Variants in IL7 observed in about 807,000 individuals in gnomAD.
The protein encoded by IL7 is interleukin-7.
IL7 carries 3 observed loss-of-function variants against 21.6 expected under a neutral mutation model. The observed-to-expected ratio is 0.14, with a 90% CI of 0.06 to 0.36. The LOEUF (loss-of-function observed/expected upper bound fraction) is 0.36, where lower values mean the gene tolerates loss of function less well. IL7 is among the 10% of genes least tolerant of loss of function. IL7 has a pLI of 1.00. For synonymous variants in IL7, 62 were observed against 68.1 expected (o/e 0.91, Z 0.44); for missense variants, 175 against 200.2 (o/e 0.87, Z 0.76).
At position 78,710,300 on chromosome 8, in the gene IL7, T is replaced by C. The variant is rs553809183; in HGVS notation, n.214+11048A>G. Among the ~76,000 whole-genome samples, 3 of 152,264 alleles carry C rather than the reference T, an allele frequency of 2.0e-5. No homozygotes were observed. The East Asian group carries it at 5.8e-4, about 29-fold the overall frequency. Reference sequence around the variant, plus strand: ...AGTTTTGAATGTACATATATATATATGCACACATATAAATCAAGTTGAATG... The same window carrying C: ...AGTTTTGAATGTACATATATATATACGCACACATATAAATCAAGTTGAATG... On this transcript the variant is annotated intron_variant and non_coding_transcript_variant, in intron 3 of 4. Transcript: ENST00000523959.
intron 2 of IL7, chr8:78,746,916 T>C (rs948659789): frequency 2.6e-6 from 1 of 388,474 alleles, no homozygotes; most frequent in African/African-American, 2.1e-5. Context: ...TTCTTTGTGA[T>C]AGGACAGTTT....
At chr8:78,739,313 A>T (rs1811700401) in intron 3 of IL7, among the ~76,000 whole-genome samples, 1 of 152,170 alleles carries the variant, frequency 6.6e-6, no homozygotes, top group Admixed American at 6.5e-5. Context: ...TGAAAGAAAA[A>T]TTTTCAAGAC....
In IL7 at chr8:78,775,568, T is replaced by A. The variant is rs144822007; in HGVS notation, c.147+22504A>T. On this transcript the variant is annotated intron_variant, in intron 2 of 5. Transcript: ENST00000263851. ...AAATTCTAATTGGAAAAATCAGGCTTTCAAGCAGTTAACTGAATTGTCCAA... is the reference window on the plus strand; with the variant it reads ...AAATTCTAATTGGAAAAATCAGGCTATCAAGCAGTTAACTGAATTGTCCAA... Among the ~76,000 whole-genome samples the A allele has an allele frequency of 4.8e-4, 73 of 152,228 alleles. 1 individual carries two copies. The East Asian group carries it at 0.013, about 27-fold the overall frequency.
chr8:78,776,323 G>A (rs1343648396), intron 2 of IL7, among the ~76,000 whole-genome samples: 2 of 152,072 alleles, frequency 1.3e-5, no homozygotes, highest in Non-Finnish European at 2.9e-5. Flanking sequence ...CCTTGGATGG[G>A]ATAGAGTGAG....
intron 2 of IL7, among the ~76,000 whole-genome samples, chr8:78,767,605 T>C (rs1333104388): frequency 6.6e-6 from 1 of 152,056 alleles, no homozygotes; most frequent in African/African-American, 2.4e-5. Flanking sequence ...CACGCACTTT[T>C]TATATTCTTA....
chr8:78,728,734 G>T (rs1320400181), downstream of IL7, among the ~76,000 whole-genome samples: 1 of 151,860 alleles, frequency 6.6e-6, no homozygotes, highest in Non-Finnish European at 1.5e-5. Flanking sequence ...GTCAGTACTT[G>T]GGGGGAGGAG....
At chr8:78,684,496 T>C (rs1375210364) in intron 4 of IL7, among the ~76,000 whole-genome samples, 3 of 152,180 alleles carry the variant, frequency 2.0e-5, no homozygotes, top group South Asian at 2.1e-4. Context: ...AGGTGGAGTT[T>C]ATGGGAGCTA....
intron 2 of IL7, among the ~76,000 whole-genome samples, chr8:78,767,122 T>G (rs1812779755): frequency 6.6e-6 from 1 of 152,140 alleles, no homozygotes; most frequent in South Asian, 2.1e-4. Context: ...GTTTTTTGTC[T>G]TTTAATGATC....
chr8:78,775,451 G>T (rs1167757032), intron 2 of IL7, among the ~76,000 whole-genome samples: 1 of 152,100 alleles, frequency 6.6e-6, no homozygotes, highest in Non-Finnish European at 1.5e-5. Context: ...GCAATGAAAA[G>T]AACACCAAAC....
At chr8:78,680,286 C>CAAAAAAAAA (rs3070855) in intron 4 of IL7, among the ~76,000 whole-genome samples, 1 of 88,150 alleles carries the variant, frequency 1.1e-5, no homozygotes, top group Non-Finnish European at 2.2e-5. Flanking sequence ...GACTCCGTCT[C>CAAAAAAAAA]AAAAAAAAAA....
intron 2 of IL7, chr8:78,746,982 C>T (rs1365014294): frequency 4.4e-6 from 2 of 454,000 alleles, no homozygotes; most frequent in Non-Finnish European, 8.9e-6. Context: ...ATATGGTTCA[C>T]AGTTACTCTT....
chr8:78,702,970 C>T lies in IL7; in HGVS notation n.215-17023G>A, dbSNP rs149377470. On this transcript the variant is annotated intron_variant and non_coding_transcript_variant, in intron 3 of 4. Coordinates refer to the IL7 transcript ENST00000523959. Reference sequence around the variant, plus strand: ...ATAGTGCTGTGGCATGATCTTGGCTCGCTGCAACCTCTGCCTCCTGGGTTC... The same window carrying T: ...ATAGTGCTGTGGCATGATCTTGGCTTGCTGCAACCTCTGCCTCCTGGGTTC... Among the ~76,000 whole-genome samples the T allele has an allele frequency of 2.3e-3, 352 of 152,210 alleles. 8 individuals carry two copies. The East Asian group carries it at 0.054, about 23-fold the overall frequency.
intron 3 of IL7, among the ~76,000 whole-genome samples, chr8:78,705,746 C>A (rs1240677795): frequency 6.6e-6 from 1 of 152,116 alleles, no homozygotes; most frequent in African/African-American, 2.4e-5. Context: ...AGGGACTTTG[C>A]AAATCTCTGT....
chr8:78,708,397 G>T (rs1810846506), intron 3 of IL7, among the ~76,000 whole-genome samples: 1 of 151,954 alleles, frequency 6.6e-6, no homozygotes, highest in Admixed American at 6.6e-5. Context: ...TGTGGATTAG[G>T]CCAGGTGCAG....
At chr8:78,798,751 G>A (rs72666870) in intron 1 of IL7, among the ~76,000 whole-genome samples, 3,912 of 151,884 alleles carry the variant, frequency 0.026, 167 homozygotes, top group African/African-American at 0.089. Flanking sequence ...AACCCTGAAG[G>A]GTTTACATTC....
In IL7 at chr8:78,782,249, G is replaced by T. The variant is rs569195775; in HGVS notation, c.147+15823C>A. ...CATCTCAGCCTCAGCCCAGTTCTGT[G>T]CCTTGTTGGAAAGGTGTTGCGATCA... is the stretch of plus-strand genomic sequence containing the variant. On this transcript the variant is annotated intron_variant, in intron 2 of 5. Transcript: ENST00000263851. 3.8e-4 allele frequency among the ~76,000 whole-genome samples: 58 copies of T among 152,258 alleles called. No homozygotes were observed. The South Asian group carries it at 0.011, about 29-fold the overall frequency.
At chr8:78,690,209 C>A (rs572692101) in intron 3 of IL7, among the ~76,000 whole-genome samples, 3 of 152,240 alleles carry the variant, frequency 2.0e-5, no homozygotes, top group Admixed American at 2.0e-4. Flanking sequence ...GAATAGTGAA[C>A]CTTAATAAGC....
At chr8:78,775,695 C>T (rs1034164127) in intron 2 of IL7, among the ~76,000 whole-genome samples, 1 of 151,998 alleles carries the variant, frequency 6.6e-6, no homozygotes, top group Admixed American at 6.6e-5. Flanking sequence ...GTAACCTCTC[C>T]TTGAATTTTC....
At chr8:78,803,646 C>T (rs1434281249) in intron 1 of IL7, among the ~76,000 whole-genome samples, 1 of 152,126 alleles carries the variant, frequency 6.6e-6, no homozygotes, top group Non-Finnish European at 1.5e-5. Flanking sequence ...TCTCAGTTTA[C>T]CTTTCTACTT....
Sources: allele counts gnomAD v4.1 joint callset (sites outside exome capture counted in the v4.1 genomes callset), GRCh38; gene constraint gnomAD v4.1.1; transcripts MANE v1.5; gene names NCBI Gene and HGNC (gene_info 2026-07-23, HGNC 2026-07-21).